The following SLX9 variants were observed in gnomAD, a reference collection of about 807,000 sequenced individuals.
SLX9 encodes ribosome biogenesis protein SLX9 homolog.
Under a neutral mutation model 20.8 loss-of-function variants are expected in SLX9, and 19 were observed. The observed-to-expected ratio is 0.91, with a 90% CI of 0.64 to 1.34. The LOEUF (loss-of-function observed/expected upper bound fraction) is 1.34, where lower values mean the gene tolerates loss of function less well. Among genes scored for constraint, SLX9 ranks in the 40% most tolerant of loss-of-function variants. SLX9 has a pLI of 0.00. For synonymous variants in SLX9, 113 were observed against 137.1 expected (o/e 0.82, Z 1.23); for missense variants, 299 against 322.2 (o/e 0.93, Z 0.55).
chr21:44,967,665 C>T lies in SLX9; in HGVS notation c.500+484C>T, dbSNP rs117723246. Among the ~76,000 whole-genome samples the T allele has an allele frequency of 7.1e-3, 1,079 of 152,316 alleles. 6 individuals are homozygous for T. The highest frequency in any genetic ancestry group is 0.012 in the Non-Finnish European group (806 of 68,006). ...TGATGCCCACCTAACACTGCACACCCTGTCCTGCCCCTCACTCTGTCGCAC... is the reference window on the plus strand; with the variant it reads ...TGATGCCCACCTAACACTGCACACCTTGTCCTGCCCCTCACTCTGTCGCAC... On this transcript the variant is annotated intron_variant, in intron 4 of 5. Coordinates refer to ENST00000291634, the MANE Select transcript of SLX9 (RefSeq NM_058190.4).
Position 44,967,098 on chromosome 21 carries a change from G to C in SLX9, c.417G>C (p.Val139=). Residue 139 remains valine, a synonymous_variant, in exon 4 of 6, where the codon GTG becomes GTC. Coordinates refer to ENST00000291634, the MANE Select transcript of SLX9 (RefSeq NM_058190.4). ...AGGAGCGGAGGCGGAGGGCCACGGT[G>C]GTGGTGGGGGACCTGCACCCTCTCA... is the stretch of plus-strand genomic sequence containing the variant. The part of the protein sequence containing the change: ...HREERRRRAT[V]VVGDLHPLRD... The C allele has an allele frequency of 3.1e-6, 5 of 1,611,524 alleles. No individual in the cohort carries two copies. The highest frequency in any genetic ancestry group is 4.2e-6 in the Non-Finnish European group (5 of 1,179,576).
chr21:44,973,251 G>C lies in SLX9; in HGVS notation c.555G>C (p.Gln185His), dbSNP rs1044492006. 1 of 1,612,410 alleles carries C rather than the reference G, an allele frequency of 6.2e-7. No individual in the cohort carries two copies. The highest frequency in any genetic ancestry group is 1.3e-5 in the African/African-American group (1 of 74,878). The change falls in exon 5 of 6, where the codon CAG becomes CAC. Residue 185 changes from glutamine to histidine, a missense_variant. Transcript: ENST00000291634. ...AGCTCAGCCGGATGAGCGCAGCCCA[G>C]AGACAGCAGCTTCTGTGAGTGCACC... Reference protein sequence around the residue: ...PSELSRMSAAQRQQLLEEERT... With the variant: ...PSELSRMSAAHRQQLLEEERT...
At chr21:44,947,650 C>G (rs1036391990) in intron 2 of SLX9, among the ~76,000 whole-genome samples, 2 of 151,646 alleles carry the variant, frequency 1.3e-5, no homozygotes, top group African/African-American at 4.8e-5. Flanking sequence ...CCCAGCTCGC[C>G]AGGAAGCCAC....
intron 1 of SLX9, among the ~76,000 whole-genome samples, chr21:44,942,936 C>T (rs2084574920): frequency 6.6e-6 from 1 of 152,164 alleles, no homozygotes; most frequent in South Asian, 2.1e-4. Context: ...TCAGGAAAAA[C>T]AGGGAGGGGG....
intron 2 of SLX9, among the ~76,000 whole-genome samples, chr21:44,952,254 T>A (rs115350302): frequency 0.017 from 2,605 of 152,356 alleles, 88 homozygotes; most frequent in African/African-American, 0.059. Context: ...CCTGGGCCGC[T>A]GTCTTGGGCT....
chr21:44,943,955 A>T, intron 2 of SLX9, 118 bp downstream of exon 2: 1 of 1,392,838 alleles, frequency 7.2e-7, no homozygotes, highest in Non-Finnish European at 9.9e-7. Context: ...GTCCTTGAGC[A>T]AGGGATGCCC....
chr21:44,969,803 ACT>A (rs2085109804), intron 4 of SLX9, among the ~76,000 whole-genome samples: 3 of 151,848 alleles, frequency 2.0e-5, no homozygotes, highest in Admixed American at 2.0e-4. Context: ...TCCCTAACGG[ACT>A]CTTTCTGCCT....
rs2085052132 is a variant in SLX9, at chr21:44,967,140, G to C, written c.459G>C (p.Glu153Asp). 6.2e-7 allele frequency: 1 copy of C among 1,602,150 alleles called. No homozygotes were observed. The highest frequency in any genetic ancestry group is 8.5e-7 in the Non-Finnish European group (1 of 1,174,634). Residue 153 changes from glutamate to aspartate, a missense_variant, in exon 4 of 6, where the codon GAG becomes GAC. Glu to Asp is a conservative substitution (Grantham distance 45, BLOSUM62 2). Transcript: ENST00000291634. The part of the protein sequence containing the change: ...DLHPLRDALP[E>D]LLGLEAGSRR... ...ACCCTCTCAGGGATGCCCTGCCCGA[G>C]CTGCTGGGGCTCGAGGCTGGCAGCC...
At chr21:44,970,588 G>A (rs1361657123) in intron 4 of SLX9, among the ~76,000 whole-genome samples, 4 of 152,228 alleles carry the variant, frequency 2.6e-5, no homozygotes, top group Non-Finnish European at 2.9e-5. Flanking sequence ...GTGCCTGGGC[G>A]GCGGGCCGTG....
In SLX9 at chr21:44,975,381, G is replaced by A. The variant is rs886645131; in HGVS notation, c.570-1299G>A. 2.0e-5 allele frequency among the ~76,000 whole-genome samples: 3 copies of A among 152,362 alleles called. No homozygotes were observed. The South Asian group carries it at 6.2e-4, about 32-fold the overall frequency. ...ATGGGTCTCTGTTTACGGTTGTCCA[G>A]GATGGCATCTGGAGGCCTGGCCCAG... On this transcript the variant is annotated intron_variant, in intron 5 of 5. Transcript: ENST00000291634.
At chr21:44,973,692 G>A (rs182288797) in intron 5 of SLX9, among the ~76,000 whole-genome samples, 202 of 142,026 alleles carry the variant, frequency 1.4e-3, no homozygotes, top group African/African-American at 5.1e-3. Flanking sequence ...TTCAGCTCCT[G>A]TGTGCCCCCA....
intron 3 of SLX9, among the ~76,000 whole-genome samples, chr21:44,961,645 C>A (rs1190811522): frequency 6.6e-6 from 1 of 152,194 alleles, no homozygotes; most frequent in African/African-American, 2.4e-5. Context: ...TAGTTGCCTT[C>A]TTATTAAATA....
upstream of SLX9, chr21:44,939,906 C>T: frequency 2.6e-6 from 2 of 762,340 alleles, no homozygotes; most frequent in Non-Finnish European, 1.9e-6. Context: ...CCACCCTACA[C>T]CCGCGACCCT....
At chr21:44,956,092 C>T (rs962420272) in intron 2 of SLX9, among the ~76,000 whole-genome samples, 1 of 152,206 alleles carries the variant, frequency 6.6e-6, no homozygotes, top group Non-Finnish European at 1.5e-5. Flanking sequence ...TGTGAGCTGC[C>T]TATATGTGCC....
At chr21:44,964,620 G>A (rs1337520446) in intron 3 of SLX9, among the ~76,000 whole-genome samples, 1 of 152,220 alleles carries the variant, frequency 6.6e-6, no homozygotes, top group African/African-American at 2.4e-5. Flanking sequence ...CCCTGTGGGC[G>A]GGAGGGTGGG....
intron 4 of SLX9, among the ~76,000 whole-genome samples, chr21:44,967,985 C>T (rs973410449): frequency 2.0e-5 from 3 of 151,872 alleles, no homozygotes; most frequent in Non-Finnish European, 4.4e-5. Flanking sequence ...GGCATCACAG[C>T]GCCCCTCCCC....
chr21:44,976,538 G>A (rs908480047), intron 5 of SLX9, 142 bp from the exon 6 acceptor site: 2 of 1,321,758 alleles, frequency 1.5e-6, no homozygotes, highest in African/African-American at 1.5e-5. Flanking sequence ...CCTCCTGCCG[G>A]AAGTTTCCGA....
Position 44,968,241 on chromosome 21 carries a change from C to T in SLX9, c.500+1060C>T, listed in dbSNP as rs149498222. 5.4e-3 allele frequency among the ~76,000 whole-genome samples: 818 copies of T among 152,194 alleles called. 5 individuals carry two copies. Among genetic ancestry groups the T allele is most frequent in the South Asian group, 0.022 (107 of 4,824 alleles). ...CCCCCAGTGACACAACCCTGCCACC[C>T]GGTGACGCAACCCCCAGTGACACAA... is the stretch of plus-strand genomic sequence containing the variant. On this transcript the variant is annotated intron_variant, in intron 4 of 5. Coordinates refer to ENST00000291634, the MANE Select transcript of SLX9 (RefSeq NM_058190.4).
chr21:44,955,207 CAAAAAAA>C (rs560489212), intron 2 of SLX9, among the ~76,000 whole-genome samples: 1 of 138,784 alleles, frequency 7.2e-6, no homozygotes, highest in African/African-American at 2.7e-5. Flanking sequence ...GACTTTGTCT[CAAAAAAA>C]AAAAAAAAGA....
Sources: allele counts gnomAD v4.1 joint callset (sites outside exome capture counted in the v4.1 genomes callset), GRCh38; gene constraint gnomAD v4.1.1; transcripts MANE v1.5; gene names NCBI Gene and HGNC (gene_info 2026-07-23, HGNC 2026-07-21).